The following BSN variants were observed in gnomAD, a reference collection of about 807,000 sequenced individuals.
BSN encodes the protein protein bassoon.
In BSN, 57 loss-of-function variants were observed where a neutral mutation model predicts 264.8. The ratio of observed to expected loss-of-function variants is 0.22; its 90% confidence interval spans 0.17 to 0.27. The LOEUF is 0.27. BSN is among the 10% of genes least tolerant of loss of function. The pLI, the probability that BSN is intolerant of heterozygous loss-of-function variation, is 1.00. For missense variants in BSN, 4,615 were observed against 5,232.5 expected (o/e 0.88, Z 3.64); for synonymous variants, 2,059 against 2,137.3 (o/e 0.96, Z 1.01).
intron 2 of BSN, among the ~76,000 whole-genome samples, chr3:49,640,067 T>G (rs1007665097): frequency 6.6e-6 from 1 of 152,184 alleles, no homozygotes; most frequent in African/African-American, 2.4e-5. Context: ...AAAAGGGGCC[T>G]TCTGCCCCAG....
rs962193620 is a variant in BSN at position 49,585,624 on chromosome 3, C to T, written c.224+30798C>T. Among the ~76,000 whole-genome samples, 2 of 152,342 alleles carry T rather than the reference C, an allele frequency of 1.3e-5. No individual in the cohort carries two copies. The highest frequency in any genetic ancestry group is 4.8e-5 in the African/African-American group (2 of 41,578). On this transcript the variant is annotated intron_variant, in intron 1 of 11. Transcript: ENST00000296452. This position sits in a 1 kb window ranked among gnomAD's most constrained non-coding sequence, Gnocchi z 4.7. ...TCCACACCCCTCACGTTTCTTCAGC[C>T]GCCCCTGGGCGCTGCGTCTAACCCC...
intron 1 of BSN, among the ~76,000 whole-genome samples, chr3:49,618,693 G>C (rs1462257219): frequency 6.6e-6 from 1 of 152,152 alleles, no homozygotes; most frequent in African/African-American, 2.4e-5. Context: ...CGTGCATGCT[G>C]TTGCCTCTGC....
At chr3:49,570,346 C>T (rs1469872088) in intron 1 of BSN, among the ~76,000 whole-genome samples, 2 of 152,186 alleles carry the variant, frequency 1.3e-5, no homozygotes, top group Admixed American at 1.3e-4. Context: ...GTGCTCCCAA[C>T]AGACCCGGTT....
chr3:49,652,062 G>C lies in BSN; in HGVS notation c.2506G>C (p.Glu836Gln). ...ACCCCAGCCCCCAGCCCGGGCAGCA[G>C]AACTGACTGATGAGGATTTCATGCG... is the stretch of plus-strand genomic sequence containing the variant. ...LPPQPPARAA[E>Q]LTDEDFMRRQ... The change falls in exon 5 of 12, where the codon GAA (glutamate) becomes CAA (glutamine). Residue 836 changes from glutamate to glutamine, a missense_variant. Glu to Gln is a conservative substitution (Grantham distance 29). Coordinates refer to ENST00000296452, the MANE Select transcript of BSN (RefSeq NM_003458.4). The C allele has an allele frequency of 6.2e-7, 1 of 1,610,154 alleles. No homozygotes were observed. Among genetic ancestry groups the C allele is most frequent in the Non-Finnish European group, 8.5e-7 (1 of 1,177,210 alleles).
At chr3:49,565,730 C>T (rs1300305656) in intron 1 of BSN, among the ~76,000 whole-genome samples, 1 of 152,210 alleles carries the variant, frequency 6.6e-6, no homozygotes, top group Admixed American at 6.5e-5. Flanking sequence ...TTTATCACAA[C>T]CAACAAAGTT....
In BSN at chr3:49,661,332, G is replaced by A; in HGVS notation, c.9487G>A (p.Val3163Met). 5 of 1,613,966 alleles carry A rather than the reference G, an allele frequency of 3.1e-6. No homozygotes were observed. The highest frequency in any genetic ancestry group is 4.2e-6 in the Non-Finnish European group (5 of 1,180,042). ...LEQKVPTNYEVIASPVVPMSS... is the reference protein window; with the variant it reads ...LEQKVPTNYEMIASPVVPMSS... ...GCAGAAGGTGCCCACCAACTATGAG[G>A]TGATCGCCAGCCCCGTTGTGCCCAT... Residue 3163 changes from valine (V) to methionine (M), a missense_variant, in exon 6 of 12, where the codon GTG becomes ATG. By Grantham distance (21) the Val-to-Met change is conservative. This residue lies in a region of BSN where 3,415 missense variants were observed against 3,866.4 expected (regional missense o/e 0.88). Coordinates refer to ENST00000296452, the MANE Select transcript of BSN (RefSeq NM_003458.4).
At chr3:49,626,811 C>T (rs748427878) in intron 2 of BSN, among the ~76,000 whole-genome samples, 9 of 152,190 alleles carry the variant, frequency 5.9e-5, no homozygotes, top group Non-Finnish European at 1.2e-4. Context: ...TGGACAACTC[C>T]GAGTGAGGTG....
intron 1 of BSN, 120 bp downstream of exon 1, chr3:49,554,946 C>A: frequency 1.8e-6 from 1 of 571,136 alleles, no homozygotes. Context: ...CACTCTGAAC[C>A]CTGCCGGATT....
At chr3:49,584,297 T>C (rs1335397362) in intron 1 of BSN, among the ~76,000 whole-genome samples, 1 of 148,242 alleles carries the variant, frequency 6.7e-6, no homozygotes, top group Non-Finnish European at 1.5e-5. Context: ...TTTTTTTTTA[T>C]CTTTTGAAAG....
Position 49,657,817 on chromosome 3 carries a change from C to T in BSN, c.8261C>T (p.Pro2754Leu). The T allele has an allele frequency of 6.2e-7, 1 of 1,601,034 alleles. No homozygotes were observed. Among genetic ancestry groups the T allele is most frequent in the Non-Finnish European group, 8.5e-7 (1 of 1,174,250 alleles). Residue 2754 changes from proline to leucine, a missense_variant, in exon 5 of 12, where the codon CCT becomes CTT. By Grantham distance (98) the Pro-to-Leu change is moderately conservative. Coordinates refer to ENST00000296452, the MANE Select transcript of BSN (RefSeq NM_003458.4). ...GGCATCCAGATCGTCACCCCAGGGC[C>T]TCTGGGCAGATTTGAAAAAAAGAAG... The part of the protein sequence containing the change: ...LPGIQIVTPG[P>L]LGRFEKKKPD...
rs2052540586 is a variant in BSN, at chr3:49,651,477, G to C, written c.1987-66G>C. On this transcript the variant is annotated intron_variant, in intron 4 of 11. Transcript: ENST00000296452. The surrounding 1 kb of genome is among the most constrained non-coding windows in gnomAD (Gnocchi z 5.4). The stretch of plus-strand genomic sequence containing the variant: ...TCCCCAGGGTCCTGGGATTGACAGG[G>C]AGGATTGGGTTCCCACCACGAGCTT... 6.7e-7 allele frequency: 1 copy of C among 1,484,548 alleles called. No homozygotes were observed. The highest frequency in any genetic ancestry group is 9.1e-7 in the Non-Finnish European group (1 of 1,103,928). 92.0% of individuals were successfully genotyped at this position (1,484,548 alleles called of 1,614,324 possible). A position where few individuals can be genotyped will look rare whatever the true frequency, so the allele number is the denominator to read the frequency against.
intron 1 of BSN, among the ~76,000 whole-genome samples, chr3:49,592,740 G>A (rs1182822659): frequency 1.4e-5 from 2 of 147,436 alleles, no homozygotes; most frequent in East Asian, 2.0e-4. Flanking sequence ...GACAGAGCGA[G>A]ACTCCATCTC....
At chr3:49,613,275 T>TTATATA (rs140461944) in intron 1 of BSN, among the ~76,000 whole-genome samples, 7 of 123,458 alleles carry the variant, frequency 5.7e-5, no homozygotes, top group Non-Finnish European at 8.3e-5. Flanking sequence ...GGGGAAAAGT[T>TTATATA]TATATATATA....
At chr3:49,581,958 A>G (rs1323301416) in intron 1 of BSN, among the ~76,000 whole-genome samples, 3 of 152,224 alleles carry the variant, frequency 2.0e-5, no homozygotes, top group African/African-American at 7.2e-5. Context: ...AAACATTGGC[A>G]TTCAAGTATC....
chr3:49,571,711 C>T (rs2051797409), intron 1 of BSN, among the ~76,000 whole-genome samples: 1 of 152,126 alleles, frequency 6.6e-6, no homozygotes, highest in Admixed American at 6.5e-5. Flanking sequence ...TGGGGGATAA[C>T]TCTGTAAACA....
chr3:49,637,643 C>A (rs1260003169), intron 2 of BSN, among the ~76,000 whole-genome samples: 1 of 152,154 alleles, frequency 6.6e-6, no homozygotes, highest in Admixed American at 6.5e-5. Flanking sequence ...AGTAAGGAAG[C>A]AGCTAAAAAA....
At chr3:49,579,406 ATTT>A (rs746381369) in intron 1 of BSN, among the ~76,000 whole-genome samples, 1 of 142,520 alleles carries the variant, frequency 7.0e-6, no homozygotes. Context: ...GCGCTTTACA[ATTT>A]TTTTTTTTTT....
chr3:49,600,465 C>T (rs150781230), intron 1 of BSN, among the ~76,000 whole-genome samples: 10 of 152,222 alleles, frequency 6.6e-5, no homozygotes, highest in South Asian at 4.1e-4. Context: ...AGCATTTAGA[C>T]TTGAGTCTAA....
In BSN at chr3:49,653,097, C is replaced by T; in HGVS notation, c.3541C>T (p.Leu1181Phe). 1 of 1,613,562 alleles carries T rather than the reference C, an allele frequency of 6.2e-7. No individual in the cohort carries two copies. The highest frequency in any genetic ancestry group is 8.5e-7 in the Non-Finnish European group (1 of 1,180,020). ...CACCACTCCCAGTTCCGGACGGCCG[C>T]TCAAGAGCGCTGAGGAGGCTTATGA... is the stretch of plus-strand genomic sequence containing the variant. ...SSTTPSSGRP[L>F]KSAEEAYEEM... The change falls in exon 5 of 12, where the codon CTC (leucine) becomes TTC (phenylalanine). Residue 1181 changes from leucine to phenylalanine, a missense_variant. Transcript: ENST00000296452. The surrounding 1 kb of genome is among the most constrained non-coding windows in gnomAD (Gnocchi z 6.3).
Sources: gnomAD v4.1 joint callset for allele counts (sites outside exome capture counted in the v4.1 genomes callset) on GRCh38, gnomAD v4.1.1 for gene constraint, gnomAD v4.1.1 regional missense constraint, Gnocchi (gnomAD v3.1) non-coding constraint, MANE v1.5 for transcripts, NCBI Gene and HGNC (gene_info 2026-07-23, HGNC 2026-07-21) for gene names.